RYR1: variants seen among roughly 807,000 people sequenced by gnomAD.
RYR1 encodes ryanodine receptor 1.
RYR1 carries 342 observed loss-of-function variants against 583.5 expected under a neutral mutation model. The observed-to-expected ratio is 0.59, with a 90% CI of 0.54 to 0.64. RYR1 has a LOEUF of 0.64. RYR1 is among the 30% of genes least tolerant of loss of function. RYR1 has a pLI of 0.00. For synonymous variants in RYR1, 2,791 were observed against 2,822.5 expected, an observed-to-expected ratio of 0.99 and a Z score of 0.35; for missense variants, 6,032 against 6,917.2, an observed-to-expected ratio of 0.87 and a Z score of 4.54.
At chr19:38,536,161 C>T in intron 82 of RYR1, 91 bp downstream of exon 82, 1 of 1,211,900 alleles carries the variant, frequency 8.3e-7, no homozygotes, top group South Asian at 1.3e-5. Context: ...CCCAGAGCTC[C>T]CTTCCTCCAA....
chr19:38,577,886 G>A, intron 97 of RYR1, 32 bp from the exon 98 acceptor site: 1 of 1,613,854 alleles, frequency 6.2e-7, no homozygotes, highest in Non-Finnish European at 8.5e-7. Flanking sequence ...CACTCCAGCT[G>A]TGTCTACACA....
rs778529262 is a variant in RYR1 at position 38,566,932 on chromosome 19, C to T, written c.13459C>T (p.Leu4487Phe). Residue 4487 changes from leucine (L) to phenylalanine (F), a missense_variant, in exon 92 of 106, where the codon CTC (leucine) becomes TTC (phenylalanine). This residue lies in a region of RYR1 where 753 missense variants were observed against 759.6 expected (regional missense o/e 0.99). Coordinates refer to ENST00000359596, the MANE Select transcript of RYR1 (RefSeq NM_000540.3). ...KLGVDGVEEE[L>F]PPEPEPEPEP... ...CTAGGTGGATGGAGTGGAGGAGGAG[C>T]TCCCGCCAGAGCCAGAGCCCGAGCC... is the stretch of plus-strand genomic sequence containing the variant. 5.0e-6 allele frequency: 8 copies of T among 1,605,830 alleles called. No individual in the cohort carries two copies. In the Admixed American group the frequency reaches 1.4e-4, roughly 27 times the overall value.
rs1376993400 is a variant in RYR1 at position 38,539,099 on chromosome 19, A to G, written c.11689+1139A>G. ...TCTTTAAGGTAACTGATTTGTAAAT[A>G]TCTTTAATCTTCATTCTTTTTCTTT... On this transcript the variant is annotated intron_variant, in intron 84 of 105. Transcript: ENST00000359596. Among the ~76,000 whole-genome samples the G allele has an allele frequency of 2.0e-5, 3 of 152,178 alleles. No homozygotes were observed. In the East Asian group the frequency reaches 5.8e-4, roughly 29 times the overall value.
intron 28 of RYR1, 131 bp downstream of exon 28, chr19:38,473,902 C>G (rs1177593079): frequency 1.0e-5 from 7 of 672,666 alleles, no homozygotes; most frequent in Non-Finnish European, 1.5e-5. Flanking sequence ...AGTAAGAATA[C>G]CGAGAGATTC....
chr19:38,545,181 G>A (rs895330785), intron 87 of RYR1, among the ~76,000 whole-genome samples: 2 of 152,136 alleles, frequency 1.3e-5, no homozygotes, highest in Non-Finnish European at 2.9e-5. Context: ...GACCAGGCCC[G>A]GTCATATACC....
Position 38,565,270 on chromosome 19 carries a change from C to G in RYR1, c.12936C>G (p.Ser4312Arg). The G allele has an allele frequency of 2.0e-6, 2 of 995,184 alleles. No homozygotes were observed. The highest frequency in any genetic ancestry group is 3.5e-5 in the African/African-American group (2 of 57,030). 61.6% of individuals were successfully genotyped at this position (995,184 alleles called of 1,614,324 possible). A position where few individuals can be genotyped will look rare whatever the true frequency, so the allele number is the denominator to read the frequency against. Residue 4312 changes from serine (S) to arginine (R), a missense_variant, in exon 91 of 106, where the codon AGC becomes AGG. This residue lies in a region of RYR1 where 753 missense variants were observed against 759.6 expected (regional missense o/e 0.99). Transcript: ENST00000359596. This position sits in a 1 kb window ranked among gnomAD's most constrained non-coding sequence, Gnocchi z 4.7. ...CCCTGCGAGGCCTCAGCTACCGCAG[C>G]CTGCGGCGGCGCGTGCGGCGGCTGC... is the stretch of plus-strand genomic sequence containing the variant. ...GRALRGLSYRSLRRRVRRLRR... is the reference protein window; with the variant it reads ...GRALRGLSYRRLRRRVRRLRR...
chr19:38,436,831 C>A (rs1400300821), intron 1 of RYR1, among the ~76,000 whole-genome samples: 1 of 151,986 alleles, frequency 6.6e-6, no homozygotes, highest in African/African-American at 2.4e-5. Flanking sequence ...GGCCACAGCC[C>A]CCCCAAACTG....
chr19:38,535,614 C>A, intron 81 of RYR1: 1 of 615,434 alleles, frequency 1.6e-6, no homozygotes, highest in Non-Finnish European at 2.9e-6. Context: ...GAATTCCAGA[C>A]AGTGGAACCA....
rs998722541 is a variant in RYR1 at position 38,501,121 on chromosome 19, T to G, written c.7614+131T>G. The G allele has an allele frequency of 9.5e-6, 8 of 839,768 alleles. No individual in the cohort carries two copies. The African/African-American group carries it at 1.4e-4, about 14-fold the overall frequency. 52.0% of individuals were successfully genotyped at this position (839,768 alleles called of 1,614,324 possible). A position where few individuals can be genotyped will look rare whatever the true frequency, so the allele number is the denominator to read the frequency against. On this transcript the variant is annotated intron_variant, in intron 47 of 105. Coordinates refer to ENST00000359596, the MANE Select transcript of RYR1 (RefSeq NM_000540.3). Reference sequence around the variant, plus strand: ...GGACATATCATAATCCCCAATACCATCATCAAGATAGAAAATGAAAACGAA... The same window carrying G: ...GGACATATCATAATCCCCAATACCAGCATCAAGATAGAAAATGAAAACGAA...
intron 25 of RYR1, 71 bp downstream of exon 25, chr19:38,467,883 G>A: frequency 6.8e-7 from 1 of 1,473,682 alleles, no homozygotes; most frequent in Non-Finnish European, 9.3e-7. Context: ...CTCTGGCCCT[G>A]CCTCTGTCTG....
Position 38,502,733 on chromosome 19 carries a change from GCGGGGCAGGC to G in RYR1, c.7835+7_7835+16del. The G allele has an allele frequency of 6.4e-7, 1 of 1,571,146 alleles. No homozygotes were observed. The highest frequency in any genetic ancestry group is 1.7e-4 in the Middle Eastern group (1 of 5,884). ...TGCCTCATGTCGCTCTGCAGGTGGAGCGGGGCAGGCTTCAGGGTGGGGCAGGGGCAGGGGC... is the reference window on the plus strand; with the variant it reads ...TGCCTCATGTCGCTCTGCAGGTGGAGTTCAGGGTGGGGCAGGGGCAGGGGC... On this transcript the variant is annotated splice_region_variant and intron_variant, in intron 48 of 105. Transcript: ENST00000359596.
intron 74 of RYR1, 43 bp from the exon 75 acceptor site, chr19:38,528,556 G>A (rs369046134): frequency 4.9e-4 from 788 of 1,606,746 alleles, no homozygotes; most frequent in Non-Finnish European, 6.2e-4. Flanking sequence ...CGGGAAGCAC[G>A]GAGGAGGGCG....
intron 1 of RYR1, among the ~76,000 whole-genome samples, chr19:38,436,943 A>C (rs1280296228): frequency 1.3e-5 from 2 of 152,082 alleles, no homozygotes; most frequent in African/African-American, 4.8e-5. Context: ...GGTAAACAGT[A>C]CGTATTCCCT....
At chr19:38,517,720 G>GGGT in intron 66 of RYR1, 29 bp downstream of exon 66, 1 of 1,603,322 alleles carries the variant, frequency 6.2e-7, no homozygotes, top group South Asian at 1.1e-5. Context: ...GGCCTCTGAG[G>GGGT]GGTGGGTCAG....
chr19:38,482,603 G>A (rs56081639), intron 31 of RYR1, among the ~76,000 whole-genome samples: 22,492 of 151,836 alleles, frequency 0.15, 1,975 homozygotes, highest in South Asian at 0.23. Flanking sequence ...GATATGGACC[G>A]CCATGCCTCG....
At position 38,565,608 on chromosome 19, in the gene RYR1, C is replaced by T. The variant is rs758514122; in HGVS notation, c.13274C>T (p.Ala4425Val). 4 of 1,443,530 alleles carry T rather than the reference C, an allele frequency of 2.8e-6. No homozygotes were observed. Among genetic ancestry groups the T allele is most frequent in the South Asian group, 1.4e-5 (1 of 70,840 alleles). 89.4% of individuals were successfully genotyped at this position (1,443,530 alleles called of 1,614,324 possible). ...GAGGGCGCTGGAGACGAGGAGGAGGCGGTGCACGAGGCCGGGCCGGGCGGT... is the reference window on the plus strand; with the variant it reads ...GAGGGCGCTGGAGACGAGGAGGAGGTGGTGCACGAGGCCGGGCCGGGCGGT... Reference protein sequence around the residue: ...AAEGAGDEEEAVHEAGPGGAD... With the variant: ...AAEGAGDEEEVVHEAGPGGAD... Residue 4425 changes from alanine (A) to valine (V), a missense_variant, in exon 91 of 106, where the codon GCG (alanine) becomes GTG (valine). Physicochemically the swap from Ala to Val is moderately conservative, Grantham distance 64 (BLOSUM62 0). Around this residue, in one of 11 missense-constraint regions of RYR1, gnomAD observed 753 missense variants for 759.6 expected, o/e 0.99. Coordinates refer to ENST00000359596, the MANE Select transcript of RYR1 (RefSeq NM_000540.3). The surrounding 1 kb of genome is among the most constrained non-coding windows in gnomAD (Gnocchi z 4.7).
At chr19:38,455,605 T>G in intron 15 of RYR1, 28 bp from the exon 16 acceptor site, 1 of 1,610,414 alleles carries the variant, frequency 6.2e-7, no homozygotes, top group African/African-American at 1.3e-5. Flanking sequence ...CATGGCCGCT[T>G]CACCTCTCAT....
chr19:38,535,930 A>C (rs1971943127), intron 81 of RYR1, 67 bp from the exon 82 acceptor site: 1 of 1,438,788 alleles, frequency 7.0e-7, no homozygotes, highest in South Asian at 1.2e-5. Context: ...GGGAGCTGCC[A>C]GGCCCTGGGA....
chr19:38,433,769 A>G lies in RYR1; in HGVS notation c.-61A>G. The G allele has an allele frequency of 4.9e-6, 1 of 202,934 alleles. No individual in the cohort carries two copies. Among genetic ancestry groups the G allele is most frequent in the Non-Finnish European group, 9.0e-6 (1 of 110,498 alleles). The allele number at this position is 202,934 out of a possible 1,614,324, so 12.6% of individuals were successfully genotyped here. ...CAGCCCGCCCCCAGCCCTCCCGCCC[A>G]GCCCGCAGCCCCCTCCCTCTGTTCC... On this transcript the variant is annotated 5_prime_UTR_variant, in exon 1 of 106. Transcript: ENST00000359596.
Sources: allele counts gnomAD v4.1 joint callset (sites outside exome capture counted in the v4.1 genomes callset), GRCh38; gene constraint gnomAD v4.1.1; regional missense constraint gnomAD v4.1.1; non-coding constraint Gnocchi (gnomAD v3.1); transcripts MANE v1.5; gene names NCBI Gene and HGNC (gene_info 2026-07-23, HGNC 2026-07-21).